TRIM39: variants seen among roughly 807,000 people sequenced by gnomAD.
TRIM39 encodes the protein E3 ubiquitin-protein ligase TRIM39.
Under a neutral mutation model 53.6 loss-of-function variants are expected in TRIM39, and 5 were observed. That is an observed-to-expected ratio of 0.09 (90% CI 0.05 to 0.20). The LOEUF is 0.20. Ranked by LOEUF, TRIM39 falls within the 10% of genes least tolerant of loss-of-function variation. TRIM39 has a pLI of 1.00. For missense variants in TRIM39, 310 were observed against 621.0 expected (o/e 0.50, Z 5.32); for synonymous variants, 196 against 237.6 (o/e 0.82, Z 1.61).
At position 30,339,341 on chromosome 6, in the gene TRIM39, G is replaced by A. The variant is rs1356344940; in HGVS notation, c.781-567G>A. Among the ~76,000 whole-genome samples, 1 of 152,002 alleles carries A rather than the reference G, an allele frequency of 6.6e-6. No homozygotes were observed. Among genetic ancestry groups the A allele is most frequent in the Admixed American group, 6.6e-5 (1 of 15,264 alleles). ...TTTTTGTATTTTTAGTAAAGACAGG[G>A]TTTCACCATGTTGGCTAGGCTGGTC... On this transcript the variant is annotated intron_variant, in intron 5 of 7. Transcript: ENST00000396551. This position sits in a 1 kb window ranked among gnomAD's most constrained non-coding sequence, Gnocchi z 4.2.
At position 30,339,915 on chromosome 6, in the gene TRIM39, A is replaced by G. The variant is rs759227238; in HGVS notation, c.788A>G (p.Lys263Arg). 28 of 1,614,064 alleles carry G rather than the reference A, an allele frequency of 1.7e-5. No homozygotes were observed. Among genetic ancestry groups the G allele is most frequent in the South Asian group, 3.3e-5 (3 of 91,076 alleles). ...TTTTCTCCTTCCTTCTAGGATGTCA[A>G]AAGTACCCTGGAAAAGTAAGTGATT... Residue 263 changes from lysine to arginine, a missense_variant, in exon 6 of 8, where the codon AAA (lysine) becomes AGA (arginine). Physicochemically the swap from Lys to Arg is conservative, Grantham distance 26. Around this residue, in one of 5 missense-constraint regions of TRIM39, gnomAD observed 161 missense variants for 210.0 expected, o/e 0.77. Transcript: ENST00000396551. The surrounding 1 kb of genome is among the most constrained non-coding windows in gnomAD (Gnocchi z 4.2).
intron 2 of TRIM39, 55 bp from the exon 3 acceptor site, chr6:30,329,254 AAG>A: frequency 1.3e-6 from 2 of 1,523,198 alleles, no homozygotes; most frequent in Non-Finnish European, 1.8e-6. Flanking sequence ...AAAAAAAAAA[AAG>A]AAAAAACCTC....
In TRIM39 at chr6:30,335,534, G is replaced by C. The variant is rs1309042905; in HGVS notation, c.550-211G>C. ...GTTGGGGTTTCACCATGTTACCTAG[G>C]CTGGTCTCAAACTTCTCATCCCAAG... On this transcript the variant is annotated intron_variant, in intron 4 of 7. Coordinates refer to ENST00000396551, the Ensembl canonical transcript of TRIM39. The surrounding 1 kb of genome is among the most constrained non-coding windows in gnomAD (Gnocchi z 4.7). Among the ~76,000 whole-genome samples, 1 of 151,938 alleles carries C rather than the reference G, an allele frequency of 6.6e-6. No individual in the cohort carries two copies. Among genetic ancestry groups the C allele is most frequent in the Non-Finnish European group, 1.5e-5 (1 of 68,004 alleles).
intron 7 of TRIM39, chr6:30,341,349 G>A: frequency 1.8e-6 from 1 of 568,224 alleles, no homozygotes. Flanking sequence ...GTCTTGCTCG[G>A]CATCCTTCTT....
Position 30,335,666 on chromosome 6 carries a change from C to T in TRIM39, c.550-79C>T. The T allele has an allele frequency of 6.7e-7, 1 of 1,493,154 alleles. No homozygotes were observed. The highest frequency in any genetic ancestry group is 2.4e-5 in the East Asian group (1 of 41,666). 92.5% of individuals were successfully genotyped at this position (1,493,154 alleles called of 1,614,324 possible). A position where few individuals can be genotyped will look rare whatever the true frequency, so the allele number is the denominator to read the frequency against. On this transcript the variant is annotated intron_variant, in intron 4 of 7. Transcript: ENST00000396551. This position sits in a 1 kb window ranked among gnomAD's most constrained non-coding sequence, Gnocchi z 4.7. ...ATGAAACTGGAAGTCTGTGTTAATTCATACATATGGTGGGTGAGAGAAAGG... is the reference window on the plus strand; with the variant it reads ...ATGAAACTGGAAGTCTGTGTTAATTTATACATATGGTGGGTGAGAGAAAGG...
At chr6:30,333,966 TAAAC>T (rs1410216862) in intron 4 of TRIM39, among the ~76,000 whole-genome samples, 3 of 152,184 alleles carry the variant, frequency 2.0e-5, no homozygotes, top group South Asian at 2.1e-4. Flanking sequence ...CACCCATACC[TAAAC>T]AAACACACAT....
At position 30,331,288 on chromosome 6, in the gene TRIM39, AC is replaced by A. The variant is rs759804866; in HGVS notation, c.549+413del. Among the ~76,000 whole-genome samples the A allele has an allele frequency of 1.6e-3, 44 of 27,462 alleles. 1 individual carries two copies. Among genetic ancestry groups the A allele is most frequent in the African/African-American group, 3.8e-3 (27 of 7,054 alleles). 18.0% of individuals were successfully genotyped at this position (27,462 alleles called of 152,430 possible). The stretch of plus-strand genomic sequence containing the variant: ...TGTCTCAAACAAACAAAAAAAACAA[AC>A]AAAAAAAAAAAGAACAATGTAGTTC... On this transcript the variant is annotated intron_variant, in intron 4 of 7. Transcript: ENST00000396551.
intron 4 of TRIM39, among the ~76,000 whole-genome samples, chr6:30,333,476 G>GCCT (rs1172099322): frequency 6.7e-6 from 1 of 148,720 alleles, no homozygotes; most frequent in African/African-American, 2.5e-5. Context: ...TCCTGCCTCA[G>GCCT]CCTCCCAAGT....
chr6:30,333,494 A>G (rs1420145821), intron 4 of TRIM39, among the ~76,000 whole-genome samples: 1 of 150,742 alleles, frequency 6.6e-6, no homozygotes, highest in African/African-American at 2.4e-5. Context: ...AGTACCTGGG[A>G]CTACAGGCGC....
intron 7 of TRIM39, among the ~76,000 whole-genome samples, chr6:30,340,851 A>C (rs376796261): frequency 6.6e-6 from 1 of 152,204 alleles, no homozygotes; most frequent in Non-Finnish European, 1.5e-5. Flanking sequence ...AGACCCAGAA[A>C]GGTTAAATAA....
rs560167615 is a variant in TRIM39 at position 30,329,971 on chromosome 6, C to G, written c.453+201C>G. 3.9e-5 allele frequency among the ~76,000 whole-genome samples: 6 copies of G among 152,346 alleles called. No homozygotes were observed. The East Asian group carries it at 1.2e-3, about 29-fold the overall frequency. On this transcript the variant is annotated intron_variant, in intron 3 of 7. Coordinates refer to ENST00000396551, the Ensembl canonical transcript of TRIM39. ...TGGTGAGAAGTGCCCTAAAATTTCT[C>G]TCTGACTTTTGCAATACATGTGAGT...
intron 7 of TRIM39, chr6:30,341,392 A>T (rs1204452981): frequency 1.6e-6 from 1 of 634,610 alleles, no homozygotes; most frequent in South Asian, 1.5e-5. Context: ...CCCTCAGACT[A>T]CACCTTGTAC....
At chr6:30,333,612 C>T (rs1257662781) in intron 4 of TRIM39, among the ~76,000 whole-genome samples, 2 of 151,902 alleles carry the variant, frequency 1.3e-5, no homozygotes, top group Non-Finnish European at 2.9e-5. Context: ...CTGCCCACCT[C>T]GGCCTCCCAA....
At chr6:30,328,324 G>A (rs865915514) in intron 1 of TRIM39, among the ~76,000 whole-genome samples, 6 of 152,228 alleles carry the variant, frequency 3.9e-5, no homozygotes, top group African/African-American at 1.4e-4. Flanking sequence ...TATTTAATAT[G>A]GTTGCCATAA....
At chr6:30,330,853 G>A (rs1786059118) in exon 4 of TRIM39, 1 of 1,614,182 alleles carries the variant, frequency 6.2e-7, no homozygotes, top group Non-Finnish European at 8.5e-7. Context: ...GTCCTCTGAG[G>A]AGAAGAAGCC....
intron 3 of TRIM39, 118 bp from the exon 4 acceptor site, chr6:30,330,663 G>A: frequency 9.5e-7 from 1 of 1,055,676 alleles, no homozygotes; most frequent in Non-Finnish European, 1.4e-6. Context: ...CAGATCAAGA[G>A]GCAGTAAGAT....
intron 5 of TRIM39, among the ~76,000 whole-genome samples, chr6:30,336,376 CAG>C (rs1332330474): frequency 6.6e-6 from 1 of 152,218 alleles, no homozygotes; most frequent in Non-Finnish European, 1.5e-5. Context: ...AGGCATACCT[CAG>C]AGATATTGTG....
At chr6:30,340,216 A>G in intron 6 of TRIM39, 1 of 1,461,320 alleles carries the variant, frequency 6.8e-7, no homozygotes, top group Non-Finnish European at 9.6e-7. Context: ...ACAAGATGGC[A>G]GGAGGAAGGG....
At position 30,342,298 on chromosome 6, in the gene TRIM39, C is replaced by T; in HGVS notation, c.*39C>T. The T allele has an allele frequency of 6.3e-7, 1 of 1,596,734 alleles. No homozygotes were observed. Among genetic ancestry groups the T allele is most frequent in the Non-Finnish European group, 8.5e-7 (1 of 1,170,054 alleles). ...GGGAATGACTGGGGTGAGGCAGGGTCAAGTGCTACGGGCCTCCTTCCCGTG... is the reference window on the plus strand; with the variant it reads ...GGGAATGACTGGGGTGAGGCAGGGTTAAGTGCTACGGGCCTCCTTCCCGTG... On this transcript the variant is annotated 3_prime_UTR_variant, in exon 8 of 8. Coordinates refer to ENST00000396551, the Ensembl canonical transcript of TRIM39. This position sits in a 1 kb window ranked among gnomAD's most constrained non-coding sequence, Gnocchi z 4.7.
Sources: allele counts gnomAD v4.1 joint callset (sites outside exome capture counted in the v4.1 genomes callset), GRCh38; gene constraint gnomAD v4.1.1; regional missense constraint gnomAD v4.1.1; non-coding constraint Gnocchi (gnomAD v3.1); transcripts MANE v1.5; gene names NCBI Gene and HGNC (gene_info 2026-07-23, HGNC 2026-07-21).